Variants in DGLUCY observed in about 807,000 individuals in gnomAD.
DGLUCY encodes the protein D-glutamate cyclase.
Under a neutral mutation model 58.5 loss-of-function variants are expected in DGLUCY, and 58 were observed. The ratio of observed to expected loss-of-function variants is 0.99; its 90% CI spans 0.80 to 1.23. DGLUCY has a LOEUF of 1.23. Among genes scored for constraint, DGLUCY ranks in the 50% most tolerant of loss-of-function variants. DGLUCY has a pLI of 0.00. For missense variants in DGLUCY, 779 were observed against 784.7 expected, an observed-to-expected ratio of 0.99 and a Z score of 0.09; for synonymous variants, 325 against 314.1, an observed-to-expected ratio of 1.03 and a Z score of -0.37.
At chr14:91,206,047 C>G (rs935198203) in intron 12 of DGLUCY, among the ~76,000 whole-genome samples, 1 of 151,784 alleles carries the variant, frequency 6.6e-6, no homozygotes, top group African/African-American at 2.4e-5. Context: ...ACCATATTGG[C>G]CAGGCTGGTC....
chr14:91,206,881 T>C (rs190684068), intron 12 of DGLUCY, among the ~76,000 whole-genome samples: 1 of 152,128 alleles, frequency 6.6e-6, no homozygotes, highest in African/African-American at 2.4e-5. Context: ...CTGCAAAAAA[T>C]AGGCAACATG....
intron 7 of DGLUCY, 77 bp downstream of exon 7, chr14:91,176,133 C>A: frequency 6.6e-7 from 1 of 1,507,588 alleles, no homozygotes; most frequent in Non-Finnish European, 9.0e-7. Context: ...AAAGCATATT[C>A]TCGTAGTACA....
intron 1 of DGLUCY, among the ~76,000 whole-genome samples, chr14:91,072,981 C>T (rs944347247): frequency 6.6e-6 from 1 of 151,990 alleles, no homozygotes; most frequent in African/African-American, 2.4e-5. Context: ...TGCACTCCAG[C>T]CTGGGTGACA....
chr14:91,068,302 T>C (rs2043861597), intron 1 of DGLUCY, among the ~76,000 whole-genome samples: 1 of 152,208 alleles, frequency 6.6e-6, no homozygotes, highest in Admixed American at 6.5e-5. Context: ...CGTTTCAACC[T>C]GTGCCAACCA....
intron 1 of DGLUCY, chr14:91,125,642 C>A (rs1169814143): frequency 6.6e-6 from 1 of 152,198 alleles, no homozygotes; most frequent in East Asian, 1.9e-4. Context: ...ATACTTCTTT[C>A]CCGACAGCTA....
chr14:91,182,808 G>A (rs2049266451), intron 8 of DGLUCY, among the ~76,000 whole-genome samples: 1 of 152,212 alleles, frequency 6.6e-6, no homozygotes, highest in African/African-American at 2.4e-5. Context: ...TCAGGGGAAG[G>A]ATAGCCCTTC....
intron 6 of DGLUCY, among the ~76,000 whole-genome samples, chr14:91,173,927 T>G (rs1403183863): frequency 6.6e-6 from 1 of 152,086 alleles, no homozygotes; most frequent in African/African-American, 2.4e-5. Flanking sequence ...CTCCTAAAAT[T>G]CTTGGAACCT....
chr14:91,223,656 C>CG, intron 13 of DGLUCY: 2 of 1,089,282 alleles, frequency 1.8e-6, no homozygotes, highest in Non-Finnish European at 2.4e-6. Context: ...GATCAAACCA[C>CG]TTTTTTTTTT....
intron 1 of DGLUCY, among the ~76,000 whole-genome samples, chr14:91,115,916 T>G (rs1275097958): frequency 6.6e-6 from 1 of 152,242 alleles, no homozygotes; most frequent in African/African-American, 2.4e-5. Context: ...CCACCTCTCC[T>G]GCACTGAGCT....
At chr14:91,220,591 T>A (rs1244030489) in intron 13 of DGLUCY, 1 of 456,316 alleles carries the variant, frequency 2.2e-6, no homozygotes, top group Non-Finnish European at 4.4e-6. Flanking sequence ...TGGCGTCATG[T>A]GGGACTGTCT....
chr14:91,181,465 T>A (rs2049163380), intron 8 of DGLUCY, 76 bp downstream of exon 8: 3 of 1,458,360 alleles, frequency 2.1e-6, no homozygotes, highest in Non-Finnish European at 2.8e-6. Context: ...AATCACCTTT[T>A]CAGTGAAAAA....
At chr14:91,147,567 G>A (rs77711160) in intron 1 of DGLUCY, among the ~76,000 whole-genome samples, 1,925 of 152,248 alleles carry the variant, frequency 0.013, 45 homozygotes, top group African/African-American at 0.043. Flanking sequence ...ATGAACCTAG[G>A]CAGAGCTTAG....
chr14:91,138,731 G>A (rs2046480789), intron 1 of DGLUCY, among the ~76,000 whole-genome samples: 1 of 152,134 alleles, frequency 6.6e-6, no homozygotes, highest in South Asian at 2.1e-4. Context: ...CATGAGAACA[G>A]GGAAACTACC....
At position 91,189,979 on chromosome 14, in the gene DGLUCY, T is replaced by C. The variant is rs372065884; in HGVS notation, c.1195+809T>C. ...ATGTGCCAGGCACTCTGTTAGGTTC[T>C]TTTTTTTTTTTTTTTTTTTTTTTTT... On this transcript the variant is annotated intron_variant, in intron 9 of 13. Transcript: ENST00000256324. Among the ~76,000 whole-genome samples, 49 of 31,234 alleles carry C rather than the reference T, an allele frequency of 1.6e-3. No homozygotes were observed. The African/African-American group carries it at 0.024, about 15-fold the overall frequency. 20.5% of individuals were successfully genotyped at this position (31,234 alleles called of 152,430 possible). A position where few individuals can be genotyped will look rare whatever the true frequency, so the allele number is the denominator to read the frequency against.
At chr14:91,189,261 T>A (rs773568694) in intron 9 of DGLUCY, 91 bp downstream of exon 9, 20 of 1,505,408 alleles carry the variant, frequency 1.3e-5, no homozygotes, top group Non-Finnish European at 1.6e-5. Context: ...CAGAGCATTC[T>A]CCTTCCAGCT....
rs979765873 is a variant in DGLUCY at position 91,181,093 on chromosome 14, A to G, written c.731-93A>G. 90 of 1,201,846 alleles carry G rather than the reference A, an allele frequency of 7.5e-5. No homozygotes were observed. In the African/African-American group the frequency reaches 1.3e-3, roughly 17 times the overall value. 74.4% of individuals were successfully genotyped at this position (1,201,846 alleles called of 1,614,324 possible). A position where few individuals can be genotyped will look rare whatever the true frequency, so the allele number is the denominator to read the frequency against. On this transcript the variant is annotated intron_variant, in intron 7 of 13. Coordinates refer to ENST00000256324, the MANE Select transcript of DGLUCY (RefSeq NM_001102368.3). ...GAGTGCTTAGGCTGAGTTGATGGCC[A>G]GGTGCCATCTTGCCTATCAACAGTG... is the stretch of plus-strand genomic sequence containing the variant.
exon 1 of DGLUCY, chr14:91,060,590 G>T: frequency 9.8e-7 from 1 of 1,019,934 alleles, no homozygotes; most frequent in Non-Finnish European, 1.3e-6. Flanking sequence ...CGCTCTGGCC[G>T]CACGGCTCGC....
At chr14:91,205,989 GCCACCACA>G (rs1479034412) in intron 12 of DGLUCY, among the ~76,000 whole-genome samples, 1 of 150,736 alleles carries the variant, frequency 6.6e-6, no homozygotes, top group Non-Finnish European at 1.5e-5. Context: ...ACAGGTACAT[GCCACCACA>G]CCTGGATAAT....
chr14:91,190,598 G>A (rs947288235), intron 9 of DGLUCY, among the ~76,000 whole-genome samples: 1 of 152,102 alleles, frequency 6.6e-6, no homozygotes, highest in Non-Finnish European at 1.5e-5. Context: ...CTGGCTGAGG[G>A]AAGGGCATCC....
Sources: gnomAD v4.1 joint callset for allele counts (sites outside exome capture counted in the v4.1 genomes callset) on GRCh38, gnomAD v4.1.1 for gene constraint, MANE v1.5 for transcripts, NCBI Gene and HGNC (gene_info 2026-07-23, HGNC 2026-07-21) for gene names.